The following CRISPLD2 variants were observed in gnomAD, a reference collection of about 807,000 sequenced individuals.
The protein encoded by CRISPLD2 is cysteine-rich secretory protein LCCL domain-containing 2.
In CRISPLD2, 47 loss-of-function variants were observed where a neutral mutation model predicts 71.1. The observed-to-expected ratio is 0.66, with a 90% CI of 0.52 to 0.84. The LOEUF (loss-of-function observed/expected upper bound fraction) is 0.84. CRISPLD2 is among the 40% of genes least tolerant of loss of function. The probability of loss-of-function intolerance (pLI) is 0.00; values close to 1 mark genes in which losing one functional copy is unlikely to be tolerated. For missense variants in CRISPLD2, 830 were observed against 651.1 expected, an observed-to-expected ratio of 1.27 and a Z score of -2.99; for synonymous variants, 317 against 250.1, an observed-to-expected ratio of 1.27 and a Z score of -2.52.
At chr16:84,851,293 A>C (rs914162545) in intron 5 of CRISPLD2, among the ~76,000 whole-genome samples, 4 of 152,200 alleles carry the variant, frequency 2.6e-5, no homozygotes, top group African/African-American at 4.8e-5. Flanking sequence ...CTCCGCCTAT[A>C]GCATGCTCAG....
rs1256169944 is a variant in CRISPLD2 at position 84,907,681 on chromosome 16, T to G, written c.*1039T>G. ...TCCCCACGCACCCGATGACCTATTT[T>G]TTCAGCCGTGGGAGGAATGGAGTCT... On this transcript the variant is annotated 3_prime_UTR_variant, in exon 15 of 15. Coordinates refer to ENST00000262424, the MANE Select transcript of CRISPLD2 (RefSeq NM_031476.4). 6.6e-6 allele frequency: 1 copy of G among 152,268 alleles called. No homozygotes were observed. Among genetic ancestry groups the G allele is most frequent in the Admixed American group, 6.5e-5 (1 of 15,278 alleles). The allele number at this position is 152,268 out of a possible 1,614,324, so 9.4% of individuals were successfully genotyped here. A position where few individuals can be genotyped will look rare whatever the true frequency, so the allele number is the denominator to read the frequency against.
intron 1 of CRISPLD2, among the ~76,000 whole-genome samples, chr16:84,829,501 C>T (rs1033420031): frequency 6.6e-6 from 1 of 152,168 alleles, no homozygotes; most frequent in Admixed American, 6.5e-5. Context: ...CCCTTGGCCT[C>T]TTGCTCAGAT....
chr16:84,877,515 G>A lies in CRISPLD2; in HGVS notation c.1229+5G>A. ...GCCAGCAACTCACTGCCCAAGGTAA[G>A]GCGGGCCTGATCTGTCATCTTTTCT... On this transcript the variant is annotated splice_donor_5th_base_variant and intron_variant, in intron 12 of 14. Coordinates refer to ENST00000262424, the MANE Select transcript of CRISPLD2 (RefSeq NM_031476.4). 1 of 1,613,632 alleles carries A rather than the reference G, an allele frequency of 6.2e-7. No individual in the cohort carries two copies. Among genetic ancestry groups the A allele is most frequent in the South Asian group, 1.1e-5 (1 of 91,070 alleles).
At chr16:84,842,485 T>C (rs1051621298) in intron 2 of CRISPLD2, among the ~76,000 whole-genome samples, 1 of 151,664 alleles carries the variant, frequency 6.6e-6, no homozygotes, top group African/African-American at 2.4e-5. Context: ...GCGACTCTCC[T>C]GCCTCAGCCT....
intron 14 of CRISPLD2, among the ~76,000 whole-genome samples, chr16:84,903,079 C>A (rs902900575): frequency 2.0e-5 from 3 of 152,060 alleles, no homozygotes; most frequent in Non-Finnish European, 4.4e-5. Context: ...AAAACCAGCC[C>A]ATTTCTAAGT....
chr16:84,834,420 A>G (rs1916565645), intron 1 of CRISPLD2, among the ~76,000 whole-genome samples: 1 of 152,238 alleles, frequency 6.6e-6, no homozygotes, highest in African/African-American at 2.4e-5. Context: ...AAGTGAGGGT[A>G]GAATGGGCAG....
At chr16:84,884,017 G>A (rs1232249859) in intron 13 of CRISPLD2, among the ~76,000 whole-genome samples, 4 of 151,938 alleles carry the variant, frequency 2.6e-5, no homozygotes, top group Non-Finnish European at 5.9e-5. Context: ...GCTAATCTTT[G>A]TATTTTTAGT....
chr16:84,887,666 C>A (rs576515882), intron 13 of CRISPLD2, among the ~76,000 whole-genome samples: 2 of 152,270 alleles, frequency 1.3e-5, no homozygotes, highest in Non-Finnish European at 2.9e-5. Flanking sequence ...CACCTGAGGT[C>A]AGGAGTTCGA....
intron 14 of CRISPLD2, among the ~76,000 whole-genome samples, chr16:84,896,741 C>G (rs927739311): frequency 3.9e-5 from 6 of 152,126 alleles, no homozygotes; most frequent in Non-Finnish European, 5.9e-5. Flanking sequence ...CAGGGAGCAT[C>G]TGTGTCCACA....
chr16:84,872,384 T>C, intron 8 of CRISPLD2, 58 bp from the exon 9 acceptor site: 1 of 1,355,032 alleles, frequency 7.4e-7, no homozygotes, highest in Non-Finnish European at 1.1e-6. Flanking sequence ...GATAAACTCA[T>C]TGTGAGATGT....
chr16:84,824,061 G>C (rs1916291590), intron 1 of CRISPLD2, among the ~76,000 whole-genome samples: 1 of 152,116 alleles, frequency 6.6e-6, no homozygotes, highest in Admixed American at 6.5e-5. Context: ...GACTTGAGAA[G>C]AGCCTGATAA....
chr16:84,901,570 C>G (rs1243051245), intron 14 of CRISPLD2, among the ~76,000 whole-genome samples: 1 of 148,104 alleles, frequency 6.8e-6, no homozygotes, highest in Non-Finnish European at 1.5e-5. Flanking sequence ...CTCCTGGATT[C>G]AAATTATTCT....
chr16:84,874,242 A>T (rs921218591), intron 11 of CRISPLD2, among the ~76,000 whole-genome samples: 1 of 152,162 alleles, frequency 6.6e-6, no homozygotes, highest in Admixed American at 6.5e-5. Context: ...AGTGGCTGAG[A>T]GGTTTCACTG....
intron 1 of CRISPLD2, among the ~76,000 whole-genome samples, chr16:84,829,475 G>T (rs1429187128): frequency 1.3e-5 from 2 of 152,162 alleles, no homozygotes; most frequent in African/African-American, 4.8e-5. Flanking sequence ...TGGTTTGTGG[G>T]TATGACTCTG....
In CRISPLD2 at chr16:84,892,295, C is replaced by T. The variant is rs549933882; in HGVS notation, c.1439+2932C>T. On this transcript the variant is annotated intron_variant, in intron 14 of 14. Coordinates refer to ENST00000262424, the MANE Select transcript of CRISPLD2 (RefSeq NM_031476.4). ...AGCAGCCTGCGTCTGAGCAGGTCCT[C>T]GGGGGCATCGTGCTGCATGCTCGAC... 3.7e-3 allele frequency among the ~76,000 whole-genome samples: 566 copies of T among 152,288 alleles called. 5 individuals carry two copies. The highest frequency in any genetic ancestry group is 0.013 in the African/African-American group (546 of 41,562).
chr16:84,845,752 C>T (rs760265724), intron 2 of CRISPLD2, 34 bp from the exon 3 acceptor site: 4 of 1,457,776 alleles, frequency 2.7e-6, no homozygotes, highest in Non-Finnish European at 2.9e-6. Context: ...CCCTCACCCT[C>T]ACCTCCTGGT....
At chr16:84,850,027 A>G (rs1415215878) in intron 4 of CRISPLD2, among the ~76,000 whole-genome samples, 3 of 151,704 alleles carry the variant, frequency 2.0e-5, no homozygotes, top group Non-Finnish European at 4.4e-5. Context: ...CACTCAACCG[A>G]GAAAACTTCT....
Position 84,873,114 on chromosome 16 carries a change from G to C in CRISPLD2, c.1104G>C (p.Gln368His), listed in dbSNP as rs758901132. 1 of 1,613,092 alleles carries C rather than the reference G, an allele frequency of 6.2e-7. No individual in the cohort carries two copies. The highest frequency in any genetic ancestry group is 1.3e-5 in the African/African-American group (1 of 74,836). Residue 368 changes from glutamine (Q) to histidine (H), a missense_variant, in exon 10 of 15, where the codon CAG becomes CAC. Physicochemically the swap from Gln to His is conservative, Grantham distance 24. Coordinates refer to ENST00000262424, the MANE Select transcript of CRISPLD2 (RefSeq NM_031476.4). ...FFVKSERHGV[Q>H]SLSKYKPSSS... ...TGAAGTCTGAGAGACACGGCGTGCA[G>C]TCCCTCAGGTAACTACTCTGTGATC...
intron 5 of CRISPLD2, 46 bp downstream of exon 5, chr16:84,850,729 T>A (rs763350529): frequency 7.1e-5 from 106 of 1,494,412 alleles, no homozygotes; most frequent in Non-Finnish European, 9.5e-5. Context: ...TTGGGATGTG[T>A]TTGCTTGCCA....
Sources: gnomAD v4.1 joint callset for allele counts (sites outside exome capture counted in the v4.1 genomes callset) on GRCh38, gnomAD v4.1.1 for gene constraint, MANE v1.5 for transcripts, NCBI Gene and HGNC (gene_info 2026-07-23, HGNC 2026-07-21) for gene names.